Variants in CSMD1 observed in about 807,000 individuals in gnomAD.
The protein encoded by CSMD1 is CUB and sushi domain-containing protein 1.
Under a neutral mutation model 417.5 loss-of-function variants are expected in CSMD1, and 213 were observed. The observed-to-expected ratio is 0.51, with a 90% CI of 0.46 to 0.57. The LOEUF (loss-of-function observed/expected upper bound fraction) is 0.57, where lower values mean the gene tolerates loss of function less well. CSMD1 is among the 20% of genes least tolerant of loss of function. CSMD1 has a pLI of 0.00. For missense variants in CSMD1, 6,923 were observed against 4,529.7 expected (o/e 1.53, Z -15.17); for synonymous variants, 2,862 against 1,736.8 (o/e 1.65, Z -16.11).
At chr8:3,140,496 G>A (rs373156234) in intron 41 of CSMD1, among the ~76,000 whole-genome samples, 31 of 152,138 alleles carry the variant, frequency 2.0e-4, no homozygotes, top group African/African-American at 7.2e-4. Flanking sequence ...GAGACATATT[G>A]CTCACTGGTT....
At chr8:3,938,164 C>G (rs1028673329) in intron 5 of CSMD1, among the ~76,000 whole-genome samples, 1 of 151,912 alleles carries the variant, frequency 6.6e-6, no homozygotes, top group African/African-American at 2.4e-5. Flanking sequence ...GTAATTGTGT[C>G]AATAAAAGTT....
chr8:4,290,509 C>T lies in CSMD1; in HGVS notation c.415+129444G>A, dbSNP rs190683578. 3.9e-3 allele frequency among the ~76,000 whole-genome samples: 594 copies of T among 152,234 alleles called. 5 individuals are homozygous for T. The highest frequency in any genetic ancestry group is 0.035 in the South Asian group (169 of 4,816). ...CTTTCATAGCATGAGAAAAAAAGGA[C>T]AGATGATGTTTCTCTGAGTTATGGG... On this transcript the variant is annotated intron_variant, in intron 3 of 69. Transcript: ENST00000635120.
intron 1 of CSMD1, among the ~76,000 whole-genome samples, chr8:4,985,571 A>G (rs1811136417): frequency 6.6e-6 from 1 of 152,214 alleles, no homozygotes; most frequent in Non-Finnish European, 1.5e-5. Flanking sequence ...ATATCAGACT[A>G]AAAATGTGTA....
At chr8:4,126,427 C>T (rs1413234958) in intron 3 of CSMD1, among the ~76,000 whole-genome samples, 2 of 152,120 alleles carry the variant, frequency 1.3e-5, no homozygotes, top group African/African-American at 2.4e-5. Context: ...AGCACCCTAG[C>T]GAAGACACAA....
At chr8:4,803,428 CTT>C (rs1007672250) in intron 1 of CSMD1, among the ~76,000 whole-genome samples, 2 of 152,126 alleles carry the variant, frequency 1.3e-5, no homozygotes, top group African/African-American at 2.4e-5. Context: ...TCTCTTGTCT[CTT>C]TTATAGGAAG....
chr8:3,543,866 C>A (rs914686027), intron 10 of CSMD1, among the ~76,000 whole-genome samples: 1 of 152,118 alleles, frequency 6.6e-6, no homozygotes, highest in African/African-American at 2.4e-5. Flanking sequence ...GCTGCAGGAT[C>A]AGAGTCAGGA....
At chr8:4,353,131 T>C (rs1019249355) in intron 3 of CSMD1, among the ~76,000 whole-genome samples, 3 of 152,184 alleles carry the variant, frequency 2.0e-5, no homozygotes, top group Non-Finnish European at 4.4e-5. Flanking sequence ...TTCTCTGATA[T>C]GGTTTGGCTG....
intron 2 of CSMD1, among the ~76,000 whole-genome samples, chr8:4,537,149 G>A (rs993492522): frequency 5.9e-5 from 9 of 152,018 alleles, no homozygotes; most frequent in African/African-American, 1.7e-4. Flanking sequence ...TACAATTTGG[G>A]TCCTCTTGTA....
At chr8:3,681,939 G>A (rs1412243236) in intron 7 of CSMD1, among the ~76,000 whole-genome samples, 1 of 152,156 alleles carries the variant, frequency 6.6e-6, no homozygotes, top group African/African-American at 2.4e-5. Context: ...AAGAAATGGG[G>A]AAAGGATTCC....
intron 3 of CSMD1, among the ~76,000 whole-genome samples, chr8:4,075,973 T>G (rs774622990): frequency 6.6e-6 from 1 of 152,188 alleles, no homozygotes; most frequent in African/African-American, 2.4e-5. Context: ...TTTTAAAACA[T>G]AGAATTGTTT....
chr8:4,311,914 C>G (rs1429022922), intron 3 of CSMD1, among the ~76,000 whole-genome samples: 1 of 152,010 alleles, frequency 6.6e-6, no homozygotes, highest in Non-Finnish European at 1.5e-5. Context: ...CCCCATGACA[C>G]TTATTTACCT....
intron 8 of CSMD1, among the ~76,000 whole-genome samples, chr8:3,608,064 C>G (rs1801705712): frequency 6.6e-6 from 1 of 151,612 alleles, no homozygotes; most frequent in African/African-American, 2.4e-5. Context: ...GCCATCTACT[C>G]AGGAGGCTGA....
intron 3 of CSMD1, among the ~76,000 whole-genome samples, chr8:4,133,680 A>G (rs1455327075): frequency 6.7e-6 from 1 of 148,338 alleles, no homozygotes; most frequent in East Asian, 2.0e-4. Context: ...AAATATGTAC[A>G]AACATTTTTA....
At chr8:4,967,402 A>G (rs768081842) in intron 1 of CSMD1, among the ~76,000 whole-genome samples, 7 of 152,154 alleles carry the variant, frequency 4.6e-5, no homozygotes, top group Non-Finnish European at 7.4e-5. Flanking sequence ...CCTATAATAC[A>G]TATTGATAAA....
intron 54 of CSMD1, among the ~76,000 whole-genome samples, chr8:2,983,623 T>G (rs961359935): frequency 1.2e-4 from 18 of 152,200 alleles, no homozygotes; most frequent in Admixed American, 3.9e-4. Context: ...TATCCAAAAT[T>G]TGGCAAAAAA....
chr8:4,987,735 A>G (rs1254562018), intron 1 of CSMD1, among the ~76,000 whole-genome samples: 1 of 152,024 alleles, frequency 6.6e-6, no homozygotes, highest in Non-Finnish European at 1.5e-5. Context: ...GGAGGGGCAG[A>G]CCCTCCCTCA....
chr8:3,529,312 T>A (rs970101554), intron 10 of CSMD1, among the ~76,000 whole-genome samples: 1 of 152,222 alleles, frequency 6.6e-6, no homozygotes, highest in Non-Finnish European at 1.5e-5. Context: ...ATAAGCAGCT[T>A]TGAAGTTGCA....
intron 1 of CSMD1, among the ~76,000 whole-genome samples, chr8:4,719,121 T>C (rs1028881989): frequency 3.9e-5 from 6 of 152,002 alleles, no homozygotes; most frequent in African/African-American, 1.4e-4. Flanking sequence ...CTCTGAATGA[T>C]GAACAAGAAA....
At chr8:3,495,753 GATA>G (rs1457514754) in intron 10 of CSMD1, among the ~76,000 whole-genome samples, 1 of 152,118 alleles carries the variant, frequency 6.6e-6, no homozygotes, top group Non-Finnish European at 1.5e-5. Flanking sequence ...AAGACAAAAG[GATA>G]ATACATTTCA....
Sources: allele counts gnomAD v4.1 joint callset (sites outside exome capture counted in the v4.1 genomes callset), GRCh38; gene constraint gnomAD v4.1.1; transcripts MANE v1.5; gene names NCBI Gene and HGNC (gene_info 2026-07-23, HGNC 2026-07-21).